RGS20: variants seen among roughly 807,000 people sequenced by gnomAD.
RGS20 encodes the protein regulator of G protein signaling 20, also known as gz-selective GTPase-activating protein.
In RGS20, 30 loss-of-function variants were observed where a neutral mutation model predicts 33.6. That is an observed-to-expected ratio of 0.89 (90% CI 0.67 to 1.21). The LOEUF is 1.21. RGS20 is among the 50% of genes most tolerant of loss of function. The probability of loss-of-function intolerance (pLI) is 0.00; values close to 1 mark genes in which losing one functional copy is unlikely to be tolerated. For missense variants in RGS20, 472 were observed against 502.4 expected (o/e 0.94, Z 0.58); for synonymous variants, 208 against 197.9 (o/e 1.05, Z -0.43).
intron 2 of RGS20, among the ~76,000 whole-genome samples, chr8:53,899,770 C>T (rs1292302629): frequency 6.6e-6 from 1 of 152,218 alleles, no homozygotes; most frequent in Admixed American, 6.5e-5. Flanking sequence ...AGAAGAAAAA[C>T]TTGGTGGTCA....
At chr8:53,931,571 A>G (rs558279522) in intron 2 of RGS20, among the ~76,000 whole-genome samples, 1 of 151,828 alleles carries the variant, frequency 6.6e-6, no homozygotes, top group South Asian at 2.1e-4. Context: ...CAACAACAAC[A>G]ACAACAACAA....
chr8:53,920,349 T>G (rs919816807), intron 2 of RGS20, among the ~76,000 whole-genome samples: 1 of 152,190 alleles, frequency 6.6e-6, no homozygotes, highest in East Asian at 1.9e-4. Context: ...TACAATTGAT[T>G]TTTCTTTGTT....
chr8:53,878,522 G>A (rs1354107644), intron 1 of RGS20, among the ~76,000 whole-genome samples: 1 of 152,102 alleles, frequency 6.6e-6, no homozygotes, highest in African/African-American at 2.4e-5. Flanking sequence ...GGAATAAGAA[G>A]GACACATGGA....
intron 2 of RGS20, chr8:53,887,242 G>A (rs1214967626): frequency 1.2e-5 from 2 of 164,712 alleles, no homozygotes; most frequent in East Asian, 1.6e-4. Flanking sequence ...CCTAGTTTTA[G>A]CACTACCATG....
At chr8:53,951,738 C>A (rs1434355086) in intron 4 of RGS20, among the ~76,000 whole-genome samples, 1 of 151,972 alleles carries the variant, frequency 6.6e-6, no homozygotes, top group African/African-American at 2.4e-5. Flanking sequence ...AAAATAAAGC[C>A]GAGCACTGCG....
At position 53,880,977 on chromosome 8, in the gene RGS20, C is replaced by T. The variant is rs1554518737; in HGVS notation, c.510+1375C>T. 4.4e-6 allele frequency: 7 copies of T among 1,588,358 alleles called. No homozygotes were observed. In the South Asian group the frequency reaches 5.6e-5, roughly 13 times the overall value. ...CAATCGCCGACGTAGAGAGGGCAGC[C>T]CTCCGCGCTGCAATATTGAGAAGGC... On this transcript the variant is annotated intron_variant, in intron 2 of 5. Transcript: ENST00000297313.
Position 53,958,376 on chromosome 8 carries a change from G to A in RGS20, c.1085G>A (p.Arg362Lys). Residue 362 changes from arginine (R) to lysine (K), a missense_variant, in exon 6 of 6, where the codon AGA becomes AAA. Coordinates refer to ENST00000297313, the MANE Select transcript of RGS20 (RefSeq NM_170587.4). The stretch of plus-strand genomic sequence containing the variant: ...CTTCAGATTTACACCCTGATGCACA[G>A]AGACTCATATCCTCGATTCATGAAC... 1.2e-6 allele frequency: 2 copies of A among 1,613,808 alleles called. No individual in the cohort carries two copies. Among genetic ancestry groups the A allele is most frequent in the East Asian group, 2.2e-5 (1 of 44,846 alleles).
intron 2 of RGS20, among the ~76,000 whole-genome samples, chr8:53,935,605 A>G (rs1279402151): frequency 1.3e-5 from 2 of 152,202 alleles, no homozygotes; most frequent in Non-Finnish European, 2.9e-5. Context: ...AAATTGAGGC[A>G]GTAATTAATA....
intron 1 of RGS20, among the ~76,000 whole-genome samples, chr8:53,871,765 G>A (rs1292620472): frequency 6.6e-6 from 1 of 152,024 alleles, no homozygotes; most frequent in Non-Finnish European, 1.5e-5. Context: ...ATGTTGTCAA[G>A]GGATACCCTT....
intron 2 of RGS20, among the ~76,000 whole-genome samples, chr8:53,907,057 A>G (rs555270019): frequency 2.0e-5 from 3 of 152,300 alleles, no homozygotes; most frequent in African/African-American, 4.8e-5. Flanking sequence ...TCAATGTGAA[A>G]GCAGAAAGAA....
intron 1 of RGS20, chr8:53,852,097 C>A (rs1173362639): frequency 6.4e-7 from 1 of 1,556,432 alleles, no homozygotes; most frequent in Non-Finnish European, 8.7e-7. Flanking sequence ...TGATCCTTTC[C>A]CGTCAAGGGA....
intron 2 of RGS20, among the ~76,000 whole-genome samples, chr8:53,907,305 G>A (rs1813207763): frequency 6.6e-6 from 1 of 152,054 alleles, no homozygotes; most frequent in Non-Finnish European, 1.5e-5. Flanking sequence ...AAAGAATCTT[G>A]GCTGGGCGCG....
At chr8:53,923,850 C>A (rs1310485045) in intron 2 of RGS20, among the ~76,000 whole-genome samples, 1 of 151,946 alleles carries the variant, frequency 6.6e-6, no homozygotes, top group African/African-American at 2.4e-5. Flanking sequence ...TATTTTATTT[C>A]TATTTGTTTT....
At position 53,879,506 on chromosome 8, in the gene RGS20, C is replaced by T. The variant is rs1036143105; in HGVS notation, c.414C>T (p.Pro138=). 2.6e-6 allele frequency: 4 copies of T among 1,549,980 alleles called. No individual in the cohort carries two copies. Among genetic ancestry groups the T allele is most frequent in the Non-Finnish European group, 3.5e-6 (4 of 1,150,026 alleles). ...TGCTCGGGGCGGCGCTGGCACTGCC[C>T]GGCCGACCCTCGGGGGGTCGTCCGC... The change falls in exon 2 of 6, where the codon CCC becomes CCT. Residue 138 remains proline (P), a synonymous_variant. Transcript: ENST00000297313.
At chr8:53,883,453 T>C (rs976909705) in intron 2 of RGS20, among the ~76,000 whole-genome samples, 2 of 152,028 alleles carry the variant, frequency 1.3e-5, no homozygotes, top group African/African-American at 4.8e-5. Context: ...AGTGAGCCAC[T>C]GCGCCTGGCC....
At chr8:53,911,361 A>G (rs1306535311) in intron 2 of RGS20, among the ~76,000 whole-genome samples, 2 of 152,232 alleles carry the variant, frequency 1.3e-5, no homozygotes, top group Non-Finnish European at 2.9e-5. Flanking sequence ...CTTTGGAAAC[A>G]GAACTACAGA....
At chr8:53,912,049 T>C (rs986414468) in intron 2 of RGS20, among the ~76,000 whole-genome samples, 4 of 152,250 alleles carry the variant, frequency 2.6e-5, no homozygotes, top group South Asian at 4.1e-4. Context: ...GGAAAATTCA[T>C]GAAGGGAGAT....
At chr8:53,858,390 C>A (rs1811730099) in intron 1 of RGS20, among the ~76,000 whole-genome samples, 1 of 151,888 alleles carries the variant, frequency 6.6e-6, no homozygotes, top group African/African-American at 2.4e-5. Flanking sequence ...TATCTCACTG[C>A]AGTAAGGCCC....
intron 1 of RGS20, among the ~76,000 whole-genome samples, chr8:53,866,733 G>A (rs1400384978): frequency 6.6e-6 from 1 of 152,126 alleles, no homozygotes; most frequent in African/African-American, 2.4e-5. Context: ...GGAATGGAGT[G>A]GGGTGGGCAG....
Sources: allele counts gnomAD v4.1 joint callset (sites outside exome capture counted in the v4.1 genomes callset), GRCh38; gene constraint gnomAD v4.1.1; transcripts MANE v1.5; gene names NCBI Gene and HGNC (gene_info 2026-07-23, HGNC 2026-07-21).